RNF6: variants seen among roughly 807,000 people sequenced by gnomAD.
The protein encoded by RNF6 is ring finger protein 6.
In RNF6, 21 loss-of-function variants were observed where a neutral mutation model predicts 50.1. The ratio of observed to expected loss-of-function variants is 0.42; its 90% confidence interval spans 0.30 to 0.60. The LOEUF is 0.60. Among genes scored for constraint, RNF6 ranks in the 20% least tolerant of loss-of-function variants. The probability of loss-of-function intolerance (pLI) is 0.20; values close to 1 mark genes in which losing one functional copy is unlikely to be tolerated. For missense variants in RNF6, 698 were observed against 838.2 expected (o/e 0.83, Z 2.07); for synonymous variants, 255 against 291.8 (o/e 0.87, Z 1.29).
chr13:26,157,418 A>G (rs1871985634), intron 5 of RNF6, among the ~76,000 whole-genome samples: 1 of 152,192 alleles, frequency 6.6e-6, no homozygotes, highest in African/African-American at 2.4e-5. Flanking sequence ...CCTTAAAAAA[A>G]TAGAAAAGTT....
chr13:26,150,050 A>G (rs1383161516), intron 5 of RNF6, among the ~76,000 whole-genome samples: 5 of 84,950 alleles, frequency 5.9e-5, no homozygotes, highest in East Asian at 2.8e-4. Flanking sequence ...TATAATGTGT[A>G]TATATATATA....
At chr13:26,145,238 C>A (rs1283318963) in intron 5 of RNF6, among the ~76,000 whole-genome samples, 4 of 152,184 alleles carry the variant, frequency 2.6e-5, no homozygotes, top group Non-Finnish European at 5.9e-5. Flanking sequence ...GAGTCACCAC[C>A]TAGTTAAGCT....
intron 5 of RNF6, among the ~76,000 whole-genome samples, chr13:26,177,909 G>A (rs1208638387): frequency 1.3e-5 from 2 of 152,168 alleles, no homozygotes; most frequent in Non-Finnish European, 2.9e-5. Context: ...CTGTCAACTG[G>A]GTGCAGTGGC....
intron 5 of RNF6, among the ~76,000 whole-genome samples, chr13:26,185,176 AT>A (rs1873458489): frequency 6.6e-6 from 1 of 151,920 alleles, no homozygotes; most frequent in South Asian, 2.1e-4. Flanking sequence ...TTTTCAAATT[AT>A]TTTTTGTACA....
chr13:26,192,137 C>A (rs1868487724), intron 5 of RNF6, among the ~76,000 whole-genome samples: 5 of 152,130 alleles, frequency 3.3e-5, no homozygotes. Flanking sequence ...AGAATTTTGG[C>A]TTTTTCAAGT....
chr13:26,196,741 A>G (rs1199938062), intron 5 of RNF6, among the ~76,000 whole-genome samples: 1 of 4,568 alleles, frequency 2.2e-4, no homozygotes, highest in East Asian at 0.05. Context: ...GCTGAAGGGA[A>G]AGTATACAGA....
intron 5 of RNF6, among the ~76,000 whole-genome samples, chr13:26,147,146 A>G (rs1871291974): frequency 6.6e-6 from 1 of 151,924 alleles, no homozygotes; most frequent in African/African-American, 2.4e-5. Flanking sequence ...ATTACCCTAC[A>G]CTCTTAATAC....
In RNF6 at chr13:26,214,348, G is replaced by A. The variant is rs377588749; in HGVS notation, c.1534C>T (p.His512Tyr). The change falls in exon 5 of 5, where the codon CAT becomes TAT. Residue 512 changes from histidine (H) to tyrosine (Y), a missense_variant. Coordinates refer to ENST00000381588, the MANE Select transcript of RNF6 (RefSeq NM_005977.4). ...AGTTCTGAGTGCATGTCTGGTAAAT[G>A]CTGGCCATTTCTTTGAAGTTCTGAC... ...SESELQRNGQ[H>Y]LPDMHSELSN... 58 of 1,614,080 alleles carry A rather than the reference G, an allele frequency of 3.6e-5. No individual in the cohort carries two copies. In the African/African-American group the frequency reaches 7.2e-4, roughly 20 times the overall value.
At chr13:26,151,466 T>C (rs917516761) in intron 5 of RNF6, among the ~76,000 whole-genome samples, 5 of 152,182 alleles carry the variant, frequency 3.3e-5, no homozygotes, top group Non-Finnish European at 5.9e-5. Flanking sequence ...TTTTTCCATG[T>C]TGGCCAGGCT....
intron 5 of RNF6, among the ~76,000 whole-genome samples, chr13:26,151,170 G>T (rs1411671857): frequency 6.6e-6 from 1 of 152,110 alleles, no homozygotes; most frequent in Admixed American, 6.5e-5. Flanking sequence ...TTCCTTGTAG[G>T]ATACTTTTAT....
At chr13:26,134,154 A>G (rs548523835) in intron 5 of RNF6, among the ~76,000 whole-genome samples, 2 of 152,326 alleles carry the variant, frequency 1.3e-5, no homozygotes, top group East Asian at 3.9e-4. Context: ...CTTTCCTGAT[A>G]CTTTCCTGGC....
At chr13:26,162,991 A>T (rs1219842229) in intron 5 of RNF6, among the ~76,000 whole-genome samples, 1 of 152,246 alleles carries the variant, frequency 6.6e-6, no homozygotes. Flanking sequence ...TAATGAAATC[A>T]CACACTTATC....
intron 5 of RNF6, among the ~76,000 whole-genome samples, chr13:26,191,582 C>A (rs1249215717): frequency 6.6e-6 from 1 of 152,126 alleles, no homozygotes; most frequent in Non-Finnish European, 1.5e-5. Context: ...CTCACAAGAT[C>A]TGATGGTTTA....
At position 26,174,283 on chromosome 13, in the gene RNF6, C is replaced by G. The variant is rs539509293; in HGVS notation, n.768+41191G>C. Among the ~76,000 whole-genome samples, 46 of 152,210 alleles carry G rather than the reference C, an allele frequency of 3.0e-4. 1 individual carries two copies. The highest frequency in any genetic ancestry group is 6.8e-3 in the Middle Eastern group (2 of 294). On this transcript the variant is annotated intron_variant and non_coding_transcript_variant, in intron 5 of 5. Coordinates refer to the RNF6 transcript ENST00000468480. ...GAAAGAGGAGGACTGGCTAAGCAAG[C>G]CAGGACTTTTAGAATATGCTGGAGT... is the stretch of plus-strand genomic sequence containing the variant.
At chr13:26,208,213 G>T (rs934365412), downstream of RNF6, among the ~76,000 whole-genome samples, 1 of 152,172 alleles carries the variant, frequency 6.6e-6, no homozygotes, top group Admixed American at 6.5e-5. Context: ...TCTATTCCCT[G>T]AGAAGGGTGG....
At chr13:26,134,190 C>T (rs912006690) in intron 5 of RNF6, among the ~76,000 whole-genome samples, 3 of 152,230 alleles carry the variant, frequency 2.0e-5, no homozygotes, top group Admixed American at 6.5e-5. Flanking sequence ...TGCCTTCTGC[C>T]ATCCACATCG....
intron 5 of RNF6, among the ~76,000 whole-genome samples, chr13:26,140,981 CACAA>C (rs1343552128): frequency 3.9e-5 from 6 of 152,068 alleles, no homozygotes; most frequent in Non-Finnish European, 4.4e-5. Flanking sequence ...TCACAGTTGA[CACAA>C]ACAAATGGGA....
intron 5 of RNF6, among the ~76,000 whole-genome samples, chr13:26,155,520 A>G (rs6491113): frequency 0.72 from 109,258 of 152,116 alleles, 39,591 homozygotes; most frequent in East Asian, 0.83. Flanking sequence ...ACATCATATG[A>G]GTTAGGTATG....
intron 5 of RNF6, among the ~76,000 whole-genome samples, chr13:26,202,536 G>A (rs1868936559): frequency 6.6e-6 from 1 of 152,186 alleles, no homozygotes; most frequent in South Asian, 2.1e-4. Context: ...TCCAGAAGAA[G>A]CATTAACTGT....
Sources: allele counts gnomAD v4.1 joint callset (sites outside exome capture counted in the v4.1 genomes callset), GRCh38; gene constraint gnomAD v4.1.1; transcripts MANE v1.5; gene names NCBI Gene and HGNC (gene_info 2026-07-23, HGNC 2026-07-21).